Variants in ARMH1 observed in about 807,000 individuals in gnomAD.
ARMH1 encodes armadillo like helical domain containing 1, also known as armadillo-like helical domain containing protein 1.
ARMH1 carries 34 observed loss-of-function variants against 50.2 expected under a neutral mutation model. The observed-to-expected ratio is 0.68, with a 90% CI of 0.51 to 0.90. The LOEUF (loss-of-function observed/expected upper bound fraction) is 0.90. Among genes scored for constraint, ARMH1 ranks in the 40% least tolerant of loss-of-function variants. ARMH1 has a pLI of 0.00. For missense variants in ARMH1, 538 were observed against 553.9 expected (o/e 0.97, Z 0.29); for synonymous variants, 221 against 224.2 (o/e 0.99, Z 0.13).
In ARMH1 at chr1:44,689,891, C is replaced by T. The variant is rs764074201; in HGVS notation, c.194C>T (p.Ser65Leu). 3.0e-5 allele frequency: 47 copies of T among 1,550,098 alleles called. No individual in the cohort carries two copies. Among genetic ancestry groups the T allele is most frequent in the Admixed American group, 5.9e-5 (3 of 50,920 alleles). The change falls in exon 2 of 12, where the codon TCG (serine) becomes TTG (leucine). Residue 65 changes from serine (S) to leucine (L), a missense_variant. By Grantham distance (145) the Ser-to-Leu change is moderately radical (BLOSUM62 -2). Coordinates refer to ENST00000535358, the MANE Select transcript of ARMH1 (RefSeq NM_001145636.2). ...TTGTTCCTGGTACGCTTGACCACCT[C>T]GCTTAGAATCACGTATCCTTTACTG... ...ASLFLVRLTTSLRITYMTDSC... is the reference protein window; with the variant it reads ...ASLFLVRLTTLLRITYMTDSC...
intron 6 of ARMH1, among the ~76,000 whole-genome samples, chr1:44,714,488 G>A (rs1646761994): frequency 6.6e-6 from 1 of 152,060 alleles, no homozygotes; most frequent in Admixed American, 6.6e-5. Flanking sequence ...GGGAGGCTGA[G>A]GCAGGAGAAT....
chr1:44,700,099 G>A (rs934921758), intron 4 of ARMH1, among the ~76,000 whole-genome samples: 1 of 151,946 alleles, frequency 6.6e-6, no homozygotes, highest in Non-Finnish European at 1.5e-5. Context: ...CATAGTGCTG[G>A]GATTACAGGC....
chr1:44,720,053 C>T (rs1031419746), intron 6 of ARMH1, among the ~76,000 whole-genome samples: 1 of 152,018 alleles, frequency 6.6e-6, no homozygotes, highest in Non-Finnish European at 1.5e-5. Flanking sequence ...AAAAATTAGG[C>T]AGGTGTGGTG....
At chr1:44,690,091 G>T (rs1324029939) in intron 2 of ARMH1, among the ~76,000 whole-genome samples, 188 bp downstream of exon 2, 1 of 152,090 alleles carries the variant, frequency 6.6e-6, no homozygotes, top group Non-Finnish European at 1.5e-5. Context: ...GGTGGCAGGT[G>T]CCTGTAACCC....
Position 44,700,990 on chromosome 1 carries a change from T to G in ARMH1, c.510T>G (p.Val170=), listed in dbSNP as rs1379844710. 1 of 1,551,668 alleles carries G rather than the reference T, an allele frequency of 6.4e-7. No homozygotes were observed. Among genetic ancestry groups the G allele is most frequent in the South Asian group, 1.2e-5 (1 of 84,064 alleles). ...KSEETQEEVQ[V]LLDSLVHGNP... ...AAGAGACCCAGGAGGAAGTGCAGGT[T>G]CTGTTGGATTCTTTGGTCCACGGCA... Residue 170 remains valine, a synonymous_variant, in exon 5 of 12, where the codon GTT becomes GTG. Transcript: ENST00000535358.
intron 5 of ARMH1, among the ~76,000 whole-genome samples, chr1:44,701,692 A>T (rs1448158998): frequency 6.6e-6 from 1 of 151,826 alleles, no homozygotes; most frequent in East Asian, 1.9e-4. Flanking sequence ...ACTTTGGGAG[A>T]CTGCAGTGGG....
At chr1:44,676,826 G>T (rs894759755) in intron 1 of ARMH1, among the ~76,000 whole-genome samples, 2 of 152,168 alleles carry the variant, frequency 1.3e-5, no homozygotes, top group African/African-American at 4.8e-5. Flanking sequence ...GCAATATCCA[G>T]CAGGAAACAC....
Position 44,724,736 on chromosome 1 carries a change from C to T in ARMH1, c.1051-26C>T. On this transcript the variant is annotated intron_variant, in intron 9 of 11. Coordinates refer to ENST00000535358, the MANE Select transcript of ARMH1 (RefSeq NM_001145636.2). This position sits in a 1 kb window ranked among gnomAD's most constrained non-coding sequence, Gnocchi z 6.4. ...CCCGCAGCCCCGTCGCCCCCGCAGT[C>T]ACGCCGCCTCGCCCGCGCGGCGCAG... is the stretch of plus-strand genomic sequence containing the variant. 6.6e-7 allele frequency: 1 copy of T among 1,515,978 alleles called. No individual in the cohort carries two copies. Among genetic ancestry groups the T allele is most frequent in the Non-Finnish European group, 8.8e-7 (1 of 1,136,584 alleles). The allele number at this position is 1,515,978 out of a possible 1,614,324, so 93.9% of individuals were successfully genotyped here.
chr1:44,694,868 T>C (rs530909959), intron 2 of ARMH1, among the ~76,000 whole-genome samples: 1 of 152,326 alleles, frequency 6.6e-6, no homozygotes, highest in East Asian at 1.9e-4. Context: ...ACAAATATTA[T>C]GTCATTTGGG....
chr1:44,711,932 G>A (rs757575739), intron 6 of ARMH1, among the ~76,000 whole-genome samples: 34 of 152,320 alleles, frequency 2.2e-4, no homozygotes, highest in South Asian at 1.2e-3. Flanking sequence ...GAGGCACAAA[G>A]CAATTAAATA....
rs781195620 is a variant in ARMH1, at chr1:44,725,424, G to T, written c.*21G>T. Reference sequence around the variant, plus strand: ...AGTAACAGCCCCTGTGGCAAACCAGGAAGGCCAAGGCTGCGGGGCAGGGAA... The same window carrying T: ...AGTAACAGCCCCTGTGGCAAACCAGTAAGGCCAAGGCTGCGGGGCAGGGAA... On this transcript the variant is annotated 3_prime_UTR_variant, in exon 12 of 12. Transcript: ENST00000535358. 5.0e-5 allele frequency: 78 copies of T among 1,550,944 alleles called. No homozygotes were observed. The highest frequency in any genetic ancestry group is 5.0e-4 in the Middle Eastern group (3 of 5,996).
Position 44,683,860 on chromosome 1 carries a change from C to A in ARMH1, c.-22-5816C>A, listed in dbSNP as rs1345559547. 2.0e-5 allele frequency among the ~76,000 whole-genome samples: 3 copies of A among 152,070 alleles called. No individual in the cohort carries two copies. The highest frequency in any genetic ancestry group is 4.4e-5 in the Non-Finnish European group (3 of 68,010). ...CCTGAGGATCTTAAGAGGATTAAAACAAAGAATTTAGGCAGGGTGCGGTGG... is the reference window on the plus strand; with the variant it reads ...CCTGAGGATCTTAAGAGGATTAAAAAAAAGAATTTAGGCAGGGTGCGGTGG... On this transcript the variant is annotated intron_variant, in intron 1 of 11. Transcript: ENST00000535358. This position sits in a 1 kb window ranked among gnomAD's most constrained non-coding sequence, Gnocchi z 4.2.
At position 44,700,574 on chromosome 1, in the gene ARMH1, C is replaced by T. The variant is rs550939533; in HGVS notation, c.443-349C>T. 2.0e-5 allele frequency among the ~76,000 whole-genome samples: 3 copies of T among 148,822 alleles called. No homozygotes were observed. In the East Asian group the frequency reaches 5.9e-4, roughly 29 times the overall value. On this transcript the variant is annotated intron_variant, in intron 4 of 11. Coordinates refer to ENST00000535358, the MANE Select transcript of ARMH1 (RefSeq NM_001145636.2). ...GAGGTTGCAGTGAGCCGAGATCGCA[C>T]CACTGTACTCCAGCCTGGGCAACAG...
chr1:44,689,397 G>A (rs1354744402), intron 1 of ARMH1, among the ~76,000 whole-genome samples: 2 of 152,118 alleles, frequency 1.3e-5, no homozygotes, highest in African/African-American at 4.8e-5. Context: ...GGATGCTCTG[G>A]TCTTTTAGTT....
rs756495276 is a variant in ARMH1, at chr1:44,725,098, T to C, written c.1129-38T>C. 86 of 1,551,370 alleles carry C rather than the reference T, an allele frequency of 5.5e-5. No individual in the cohort carries two copies. The African/African-American group carries it at 1.1e-3, about 20-fold the overall frequency. Reference sequence around the variant, plus strand: ...GCCCAACTCCAAGTCCAGACTGCCCTGGCACCCCAGCCGGGTCCCCCTTGC... The same window carrying C: ...GCCCAACTCCAAGTCCAGACTGCCCCGGCACCCCAGCCGGGTCCCCCTTGC... On this transcript the variant is annotated intron_variant, in intron 10 of 11. Transcript: ENST00000535358.
chr1:44,725,170 G>A lies in ARMH1; in HGVS notation c.1163G>A (p.Ser388Asn), dbSNP rs1424900002. ...NAEDLYMKID[S>N]IQADILAANT... ...GAGGACTTGTACATGAAAATAGACA[G>A]CATTCAGGCGGACATCTTGGCGGCC... The change falls in exon 11 of 12, where the codon AGC becomes AAC. Residue 388 changes from serine to asparagine, a missense_variant. Transcript: ENST00000535358. The A allele has an allele frequency of 1.2e-5, 18 of 1,551,930 alleles. No individual in the cohort carries two copies. The highest frequency in any genetic ancestry group is 1.5e-5 in the Non-Finnish European group (17 of 1,147,054).
intron 6 of ARMH1, among the ~76,000 whole-genome samples, chr1:44,716,246 C>G (rs1184131339): frequency 6.6e-6 from 1 of 152,144 alleles, no homozygotes; most frequent in African/African-American, 2.4e-5. Context: ...ACTTTATGTA[C>G]CACCTACCAC....
chr1:44,702,497 A>T (rs1054062017), intron 5 of ARMH1, among the ~76,000 whole-genome samples: 2 of 152,108 alleles, frequency 1.3e-5, no homozygotes, highest in African/African-American at 4.8e-5. Flanking sequence ...GTGGATCATG[A>T]GGTCAGGAGT....
chr1:44,709,729 CA>C (rs1189734153), intron 6 of ARMH1, among the ~76,000 whole-genome samples: 2 of 149,736 alleles, frequency 1.3e-5, no homozygotes, highest in South Asian at 4.3e-4. Flanking sequence ...CCCAGCTACT[CA>C]GGGAGGCTGA....
Sources: gnomAD v4.1 joint callset for allele counts (sites outside exome capture counted in the v4.1 genomes callset) on GRCh38, gnomAD v4.1.1 for gene constraint, Gnocchi (gnomAD v3.1) non-coding constraint, MANE v1.5 for transcripts, NCBI Gene and HGNC (gene_info 2026-07-23, HGNC 2026-07-21) for gene names.